Variants in DNAH1 observed in about 807,000 individuals in gnomAD.
DNAH1 encodes the protein dynein axonemal heavy chain 1, also known as axonemal beta dynein heavy chain 1.
Under a neutral mutation model 484.3 loss-of-function variants are expected in DNAH1, and 327 were observed. That is an observed-to-expected ratio of 0.68 (90% CI 0.62 to 0.74). DNAH1 has a LOEUF of 0.74. Among genes scored for constraint, DNAH1 ranks in the 30% least tolerant of loss-of-function variants. DNAH1 has a pLI of 0.00. For missense variants in DNAH1, 5,052 were observed against 5,546.8 expected (o/e 0.91, Z 2.83); for synonymous variants, 2,192 against 2,191.9 (o/e 1.00, Z 0.00).
chr3:52,363,162 TG>T lies in DNAH1; in HGVS notation c.5244+21del. 1.2e-6 allele frequency: 2 copies of T among 1,611,738 alleles called. No homozygotes were observed. Among genetic ancestry groups the T allele is most frequent in the Non-Finnish European group, 1.7e-6 (2 of 1,178,192 alleles). On this transcript the variant is annotated intron_variant, in intron 32 of 77. Coordinates refer to ENST00000420323, the MANE Select transcript of DNAH1 (RefSeq NM_015512.5). ...GCTCCCAGGTGTGGTCCTGCCCTGA[TG>T]GGTTTCCAGGGTCTGAAAACTTCTG... is the stretch of plus-strand genomic sequence containing the variant.
Position 52,368,019 on chromosome 3 carries a change from G to A in DNAH1, c.5766-722G>A, listed in dbSNP as rs186310365. Among the ~76,000 whole-genome samples the A allele has an allele frequency of 2.0e-5, 3 of 152,222 alleles. No individual in the cohort carries two copies. Among genetic ancestry groups the A allele is most frequent in the Non-Finnish European group, 4.4e-5 (3 of 68,054 alleles). On this transcript the variant is annotated intron_variant, in intron 36 of 77. Transcript: ENST00000420323. The surrounding 1 kb of genome is among the most constrained non-coding windows in gnomAD (Gnocchi z 4.4). ...GCCAGTGGGAATCTATAGCCAAGGG[G>A]CAGGGTGAGCATCAGTGGGTGGAAA...
At position 52,381,563 on chromosome 3, in the gene DNAH1, G is replaced by A. The variant is rs1703843933; in HGVS notation, c.7609-77G>A. 1 of 1,386,526 alleles carries A rather than the reference G, an allele frequency of 7.2e-7. No individual in the cohort carries two copies. The highest frequency in any genetic ancestry group is 9.8e-7 in the Non-Finnish European group (1 of 1,018,986). The allele number at this position is 1,386,526 out of a possible 1,614,324, so 85.9% of individuals were successfully genotyped here. A position where few individuals can be genotyped will look rare whatever the true frequency, so the allele number is the denominator to read the frequency against. On this transcript the variant is annotated intron_variant, in intron 48 of 77. Coordinates refer to ENST00000420323, the MANE Select transcript of DNAH1 (RefSeq NM_015512.5). The surrounding 1 kb of genome is among the most constrained non-coding windows in gnomAD (Gnocchi z 4.1). Reference sequence around the variant, plus strand: ...CTTCTCAGTCAGGACAGAGAAGAAAGCGGGTGGGTGGGGGGAATCGGGGAG... The same window carrying A: ...CTTCTCAGTCAGGACAGAGAAGAAAACGGGTGGGTGGGGGGAATCGGGGAG...
In DNAH1 at chr3:52,355,122, A is replaced by G; in HGVS notation, c.3693+67A>G. The stretch of plus-strand genomic sequence containing the variant: ...TCAGAGAGCCCGACCCACAGGTGTC[A>G]CTGATGGTCTCCGGGTGGGGTTCAA... On this transcript the variant is annotated intron_variant, in intron 21 of 77. Transcript: ENST00000420323. The surrounding 1 kb of genome is among the most constrained non-coding windows in gnomAD (Gnocchi z 4.5). The G allele has an allele frequency of 6.7e-7, 1 of 1,491,758 alleles. No homozygotes were observed. The highest frequency in any genetic ancestry group is 9.3e-7 in the Non-Finnish European group (1 of 1,079,568). 92.4% of individuals were successfully genotyped at this position (1,491,758 alleles called of 1,614,324 possible). A position where few individuals can be genotyped will look rare whatever the true frequency, so the allele number is the denominator to read the frequency against.
At position 52,364,664 on chromosome 3, in the gene DNAH1, C is replaced by T. The variant is rs770596211; in HGVS notation, c.5271C>T (p.Ala1757=). Residue 1757 remains alanine, a synonymous_variant, in exon 33 of 78, where the codon GCC becomes GCT. Coordinates refer to ENST00000420323, the MANE Select transcript of DNAH1 (RefSeq NM_015512.5). The surrounding 1 kb of genome is among the most constrained non-coding windows in gnomAD (Gnocchi z 4.2). ...SQDHYDFGMR[A]VKTVISAAGN... Reference sequence around the variant, plus strand: ...ATCACTATGACTTCGGGATGAGAGCCGTGAAAACTGTGATCTCGGCTGCTG... The same window carrying T: ...ATCACTATGACTTCGGGATGAGAGCTGTGAAAACTGTGATCTCGGCTGCTG... The T allele has an allele frequency of 9.9e-6, 16 of 1,613,836 alleles. No individual in the cohort carries two copies. Among genetic ancestry groups the T allele is most frequent in the African/African-American group, 6.7e-5 (5 of 74,904 alleles).
At chr3:52,388,710 C>A (rs770383856) in intron 58 of DNAH1, 96 bp from the exon 59 acceptor site, 16 of 1,604,668 alleles carry the variant, frequency 1.0e-5, no homozygotes, top group Non-Finnish European at 1.2e-5. Context: ...TGTCCACACC[C>A]CCTCCCTGGC....
At position 52,353,947 on chromosome 3, in the gene DNAH1, C is replaced by G. The variant is rs1702503168; in HGVS notation, c.3480+314C>G. On this transcript the variant is annotated intron_variant, in intron 20 of 77. Transcript: ENST00000420323. This position sits in a 1 kb window ranked among gnomAD's most constrained non-coding sequence, Gnocchi z 5.0. ...TGACACATGCCTGTAAATCCCAGCA[C>G]TTTGGGAGGATGAGGAGGAAGGATC... The G allele has an allele frequency of 2.9e-6, 1 of 341,392 alleles. No homozygotes were observed. The highest frequency in any genetic ancestry group is 5.6e-6 in the Non-Finnish European group (1 of 180,104). The allele number at this position is 341,392 out of a possible 1,614,324, so 21.1% of individuals were successfully genotyped here. A position where few individuals can be genotyped will look rare whatever the true frequency, so the allele number is the denominator to read the frequency against.
chr3:52,357,568 G>A (rs1465074251), intron 22 of DNAH1, 46 bp from the exon 23 acceptor site: 1 of 1,580,226 alleles, frequency 6.3e-7, no homozygotes. Flanking sequence ...CTTGCTACCT[G>A]GACCATGCTC....
Position 52,396,445 on chromosome 3 carries a change from C to A in DNAH1, c.11337C>A (p.Ser3779=). 6.3e-7 allele frequency: 1 copy of A among 1,595,894 alleles called. No individual in the cohort carries two copies. The highest frequency in any genetic ancestry group is 2.3e-5 in the East Asian group (1 of 43,748). Residue 3779 remains serine (S), a synonymous_variant, in exon 71 of 78, where the codon TCC becomes TCA. Transcript: ENST00000420323. ...CAGTGTCCATCCTGCAGAACGGCTC[C>A]AAGATGACCATTGAGCCGCCACGCG... ...KFPVSILQNG[S]KMTIEPPRGV... is the part of the protein sequence containing the mutation.
rs1704627381 is a variant in DNAH1 at position 52,396,410 on chromosome 3, A to C, written c.11302A>C (p.Asn3768His). The C allele has an allele frequency of 2.5e-6, 4 of 1,590,214 alleles. No individual in the cohort carries two copies. Among genetic ancestry groups the C allele is most frequent in the Non-Finnish European group, 3.4e-6 (4 of 1,168,800 alleles). Residue 3768 changes from asparagine (N) to histidine (H), a missense_variant, in exon 71 of 78, where the codon AAC becomes CAC. By Grantham distance (68) the Asn-to-His change is moderately conservative. Around this residue, in one of 4 missense-constraint regions of DNAH1, gnomAD observed 853 missense variants for 899.0 expected, o/e 0.95. Transcript: ENST00000420323. ...CCTCTGGCTCACCAGCCTGCCCAGC[A>C]ACAAGTTCCCAGTGTCCATCCTGCA... ...FRLWLTSLPS[N>H]KFPVSILQNG...
chr3:52,352,636 C>G lies in DNAH1; in HGVS notation c.2956C>G (p.Leu986Val). 1 of 1,613,110 alleles carries G rather than the reference C, an allele frequency of 6.2e-7. No individual in the cohort carries two copies. Among genetic ancestry groups the G allele is most frequent in the Non-Finnish European group, 8.5e-7 (1 of 1,179,720 alleles). ...CGAGGTGCGGCGTGTCAAGAAGCAG[C>G]TGAAGGACTGCCAGCAGCTGGCCAT... ...ANEVRRVKKQ[L>V]KDCQQLAMLY... Residue 986 changes from leucine (L) to valine (V), a missense_variant, in exon 18 of 78, where the codon CTG (leucine) becomes GTG (valine). Physicochemically the swap from Leu to Val is conservative, Grantham distance 32. Around this residue, in one of 4 missense-constraint regions of DNAH1, gnomAD observed 2,929 missense variants for 3,409.4 expected, o/e 0.86. Coordinates refer to ENST00000420323, the MANE Select transcript of DNAH1 (RefSeq NM_015512.5).
In DNAH1 at chr3:52,395,673, G is replaced by T. The variant is rs371889881; in HGVS notation, c.11254G>T (p.Asp3752Tyr). Residue 3752 changes from aspartate (D) to tyrosine (Y), a missense_variant, in exon 70 of 78, where the codon GAC becomes TAC. Coordinates refer to ENST00000420323, the MANE Select transcript of DNAH1 (RefSeq NM_015512.5). The surrounding 1 kb of genome is among the most constrained non-coding windows in gnomAD (Gnocchi z 4.4). The part of the protein sequence containing the change: ...LERLIEHINP[D>Y]KVHRDFRLWL... ...ACGCCTCATCGAGCACATCAACCCC[G>T]ACAAGGTGTGTTGCCCTGCCCATCA... is the stretch of plus-strand genomic sequence containing the variant. The T allele has an allele frequency of 6.2e-7, 1 of 1,613,188 alleles. No homozygotes were observed. The highest frequency in any genetic ancestry group is 8.5e-7 in the Non-Finnish European group (1 of 1,179,626).
intron 46 of DNAH1, 115 bp downstream of exon 46, chr3:52,376,108 C>A: frequency 7.4e-7 from 1 of 1,346,674 alleles, no homozygotes. Context: ...CAGGTTCATG[C>A]AGGGACCTTG....
chr3:52,324,099 GATGCT>G (rs905346881), intron 3 of DNAH1, among the ~76,000 whole-genome samples: 1 of 152,178 alleles, frequency 6.6e-6, no homozygotes, highest in African/African-American at 2.4e-5. Context: ...CCATGACCTT[GATGCT>G]GGGCTGGGCT....
chr3:52,399,277 T>C lies in DNAH1; in HGVS notation c.12441+76T>C, dbSNP rs887458013. The C allele has an allele frequency of 2.8e-6, 4 of 1,448,712 alleles. No homozygotes were observed. In the African/African-American group the frequency reaches 4.3e-5, roughly 15 times the overall value. 89.7% of individuals were successfully genotyped at this position (1,448,712 alleles called of 1,614,324 possible). A position where few individuals can be genotyped will look rare whatever the true frequency, so the allele number is the denominator to read the frequency against. On this transcript the variant is annotated intron_variant, in intron 76 of 77. Transcript: ENST00000420323. ...GGGAGGAGAGGCTCTGAGGCCACGG[T>C]TGGTTGGCAGTTGGGGGACCCCTAA...
chr3:52,347,310 G>A (rs2153223825), intron 11 of DNAH1, among the ~76,000 whole-genome samples: 2 of 152,282 alleles, frequency 1.3e-5, no homozygotes, highest in Admixed American at 1.3e-4. Context: ...AGGAAAGGCT[G>A]GCCAGTGTGG....
chr3:52,327,405 G>A (rs1701386496), intron 5 of DNAH1, among the ~76,000 whole-genome samples: 1 of 152,100 alleles, frequency 6.6e-6, no homozygotes, highest in Non-Finnish European at 1.5e-5. Flanking sequence ...AGTGTCTCTC[G>A]CCTGGTGGTC....
Position 52,392,705 on chromosome 3 carries a change from C to T in DNAH1, c.10278+16C>T. The T allele has an allele frequency of 6.7e-7, 1 of 1,484,084 alleles. No homozygotes were observed. The highest frequency in any genetic ancestry group is 1.2e-5 in the South Asian group (1 of 86,056). 91.9% of individuals were successfully genotyped at this position (1,484,084 alleles called of 1,614,324 possible). ...TGAGATCCAGGTCAGCTGCTGCCTGCCCACCCACCTGCCCCGGGAGTGCCC... is the reference window on the plus strand; with the variant it reads ...TGAGATCCAGGTCAGCTGCTGCCTGTCCACCCACCTGCCCCGGGAGTGCCC... On this transcript the variant is annotated intron_variant, in intron 64 of 77. Transcript: ENST00000420323.
intron 8 of DNAH1, among the ~76,000 whole-genome samples, chr3:52,336,841 T>C (rs987798279): frequency 2.0e-5 from 3 of 152,246 alleles, no homozygotes; most frequent in Non-Finnish European, 4.4e-5. Context: ...TGTAGCCTTG[T>C]AGTACAGTTT....
rs185418116 is a variant in DNAH1 at position 52,323,452 on chromosome 3, C to G, written c.334-356C>G. On this transcript the variant is annotated intron_variant, in intron 2 of 77. Coordinates refer to ENST00000420323, the MANE Select transcript of DNAH1 (RefSeq NM_015512.5). ...GAGGACCACCTGATATGCATTAAAC[C>G]TGCAGTGCCAGTGGCCCTTGGGAGA... is the stretch of plus-strand genomic sequence containing the variant. Among the ~76,000 whole-genome samples, 3 of 152,202 alleles carry G rather than the reference C, an allele frequency of 2.0e-5. No homozygotes were observed. The South Asian group carries it at 6.2e-4, about 31-fold the overall frequency.
Sources: gnomAD v4.1 joint callset for allele counts (sites outside exome capture counted in the v4.1 genomes callset) on GRCh38, gnomAD v4.1.1 for gene constraint, gnomAD v4.1.1 regional missense constraint, Gnocchi (gnomAD v3.1) non-coding constraint, MANE v1.5 for transcripts, NCBI Gene and HGNC (gene_info 2026-07-23, HGNC 2026-07-21) for gene names.